FTCD: variants seen among roughly 807,000 people sequenced by gnomAD.
FTCD encodes formimidoyltransferase cyclodeaminase.
A neutral mutation model predicts 62.9 loss-of-function variants in FTCD; 76 were observed. That is an observed-to-expected ratio of 1.21 (90% confidence interval 1.00 to 1.46). FTCD has a LOEUF of 1.46. FTCD is among the 40% of genes most tolerant of loss of function. The pLI is 0.00. For synonymous variants in FTCD, 397 were observed against 336.9 expected (o/e 1.18, Z -1.95); for missense variants, 845 against 751.3 (o/e 1.12, Z -1.46).
At chr21:46,138,449 C>G (rs2078918706) in intron 12 of FTCD, 59 bp downstream of exon 12, 1 of 1,511,728 alleles carries the variant, frequency 6.6e-7, no homozygotes, top group African/African-American at 1.4e-5. Context: ...AGCAACTCAG[C>G]CCCAACAGCT....
At chr21:46,137,151 A>G in intron 13 of FTCD, 78 bp from the exon 14 acceptor site, 1 of 1,594,130 alleles carries the variant, frequency 6.3e-7, no homozygotes, top group Non-Finnish European at 8.6e-7. Context: ...TCCGACCCCC[A>G]CTGCCCACAG....
At chr21:46,150,309 G>A in intron 6 of FTCD, 59 bp from the exon 7 acceptor site, 1 of 1,609,644 alleles carries the variant, frequency 6.2e-7, no homozygotes, top group South Asian at 1.1e-5. Context: ...GCCCTGGCTG[G>A]AGGATGTGGG....
intron 4 of FTCD, 75 bp from the exon 5 acceptor site, chr21:46,151,812 G>A (rs2079285897): frequency 1.3e-6 from 2 of 1,584,252 alleles, no homozygotes; most frequent in Non-Finnish European, 1.7e-6. Context: ...GGGAAGGAGG[G>A]GCCCGGCCCA....
At chr21:46,136,717 G>A, downstream of FTCD, 1 of 1,474,602 alleles carries the variant, frequency 6.8e-7, no homozygotes, top group African/African-American at 1.4e-5. Context: ...TCCTGCTCCT[G>A]CCCCAAGACC....
At chr21:46,146,397 G>A in intron 7 of FTCD, 70 bp from the exon 8 acceptor site, 4 of 1,083,462 alleles carry the variant, frequency 3.7e-6, no homozygotes, top group African/African-American at 1.6e-5. Context: ...CGGAACCCGC[G>A]GGTCCCACCC....
intron 9 of FTCD, 35 bp downstream of exon 9, chr21:46,145,783 A>AGCGCCCTCCCCCCACCC: frequency 2.9e-6 from 1 of 346,460 alleles, no homozygotes; most frequent in Non-Finnish European, 4.6e-6. Flanking sequence ...TCCCCCCAAC[A>AGCGCCCTCCCCCCACCC]ACTGCGCCTC....
At chr21:46,140,360 C>A (rs2078970142) in intron 10 of FTCD, among the ~76,000 whole-genome samples, 1 of 18,346 alleles carries the variant, frequency 5.5e-5, no homozygotes, top group Non-Finnish European at 1.1e-4. Flanking sequence ...ACCCAGCACT[C>A]CCCCGTCCAC....
At chr21:46,146,548 A>G (rs2079152368) in intron 7 of FTCD, 5 of 593,208 alleles carry the variant, frequency 8.4e-6, no homozygotes, top group Non-Finnish European at 1.5e-5. Flanking sequence ...AGGCTTCTGG[A>G]AACAGCCATC....
In FTCD at chr21:46,150,427, T is replaced by G; in HGVS notation, c.735A>C (p.Ala245=). 1 of 1,613,140 alleles carries G rather than the reference T, an allele frequency of 6.2e-7. No homozygotes were observed. The highest frequency in any genetic ancestry group is 1.1e-5 in the South Asian group (1 of 91,086). ...STNLLDFEVT[A]LHTVYEETCR... ...AGGTCTCCTCGTAGACCGTGTGCAGTGCCGTGACCTCAAAGTCCAGAAGAT... is the reference window on the plus strand; with the variant it reads ...AGGTCTCCTCGTAGACCGTGTGCAGGGCCGTGACCTCAAAGTCCAGAAGAT... The change falls in exon 6 of 14, where the codon GCA becomes GCC. Residue 245 remains alanine, a synonymous_variant. Transcript: ENST00000397746.
chr21:46,141,716 T>TAAA (rs111415592), intron 10 of FTCD, among the ~76,000 whole-genome samples: 1,505 of 145,248 alleles, frequency 0.01, 31 homozygotes, highest in African/African-American at 0.036. Context: ...CCTCCCCTAT[T>TAAA]AAAAAAAAAA....
At chr21:46,136,402 G>A (rs1601283527), downstream of FTCD, 7 of 1,599,200 alleles carry the variant, frequency 4.4e-6, no homozygotes, top group East Asian at 2.2e-5. Context: ...GGCCAGTACC[G>A]TGCTCTGTGG....
intron 3 of FTCD, chr21:46,152,624 A>G (rs1218638227): frequency 2.8e-6 from 1 of 352,956 alleles, no homozygotes; most frequent in Non-Finnish European, 5.1e-6. Context: ...TAATTTCCCA[A>G]AGTGAAATTA....
intron 10 of FTCD, 77 bp from the exon 11 acceptor site, chr21:46,139,000 C>G (rs951056382): frequency 8.1e-6 from 9 of 1,117,918 alleles, no homozygotes; most frequent in African/African-American, 3.1e-5. Flanking sequence ...CCACAAGGGG[C>G]TGTAGCAAGG....
chr21:46,145,445 G>A lies in FTCD; in HGVS notation c.1232C>T (p.Ala411Val), dbSNP rs868155029. The A allele has an allele frequency of 1.9e-6, 3 of 1,557,778 alleles. No homozygotes were observed. Among genetic ancestry groups the A allele is most frequent in the Admixed American group, 1.9e-5 (1 of 53,126 alleles). Residue 411 changes from alanine (A) to valine (V), a missense_variant, in exon 10 of 14, where the codon GCC becomes GTC. Ala to Val is a moderately conservative substitution (Grantham distance 64). Transcript: ENST00000397746. Reference sequence around the variant, plus strand: ...GTAGGCGGTGAAGGCCTCGGCGTCGGCATCCACCAGCGTGGTTAGCTTGGC... The same window carrying A: ...GTAGGCGGTGAAGGCCTCGGCGTCGACATCCACCAGCGTGGTTAGCTTGGC... Reference protein sequence around the residue: ...ASAKLTTLVDADAEAFTAYLE... With the variant: ...ASAKLTTLVDVDAEAFTAYLE...
intron 10 of FTCD, among the ~76,000 whole-genome samples, chr21:46,144,935 C>T (rs1237872307): frequency 6.6e-6 from 1 of 151,472 alleles, no homozygotes; most frequent in Admixed American, 6.6e-5. Flanking sequence ...GGGGTCACTG[C>T]CTGCCTGAGT....
chr21:46,143,352 C>T (rs1320622868), intron 10 of FTCD, among the ~76,000 whole-genome samples: 1 of 151,602 alleles, frequency 6.6e-6, no homozygotes, highest in Non-Finnish European at 1.5e-5. Context: ...ACTCCCCTCC[C>T]TCTCTCCCTA....
At position 46,144,361 on chromosome 21, in the gene FTCD, ACCTCTCTCC is replaced by A. The variant is rs2079078476; in HGVS notation, c.1260+1047_1260+1055del. On this transcript the variant is annotated intron_variant, in intron 10 of 13. Coordinates refer to ENST00000397746, the MANE Select transcript of FTCD (RefSeq NM_206965.2). ...CAGACCCTGTAGGGCTGGCCCCTACACCTCTCTCCCCTCTCTCCCTCTCTCTCCCTCCCT... is the reference window on the plus strand; with the variant it reads ...CAGACCCTGTAGGGCTGGCCCCTACACCTCTCTCCCTCTCTCTCCCTCCCT... Among the ~76,000 whole-genome samples the A allele has an allele frequency of 4.5e-5, 4 of 89,696 alleles. No homozygotes were observed. In the South Asian group the frequency reaches 1.2e-3, roughly 28 times the overall value. 58.8% of individuals were successfully genotyped at this position (89,696 alleles called of 152,430 possible). A position where few individuals can be genotyped will look rare whatever the true frequency, so the allele number is the denominator to read the frequency against.
intron 10 of FTCD, among the ~76,000 whole-genome samples, chr21:46,143,501 T>G (rs549055246): frequency 6.6e-6 from 1 of 152,348 alleles, no homozygotes; most frequent in African/African-American, 2.4e-5. Context: ...TAGATATGAT[T>G]ATATATAATT....
chr21:46,152,822 C>T (rs2079324707), intron 3 of FTCD, 85 bp downstream of exon 3: 3 of 1,171,218 alleles, frequency 2.6e-6, no homozygotes, highest in Admixed American at 2.6e-5. Flanking sequence ...CAGTCAAGGG[C>T]AGGGAACTGG....
Sources: allele counts gnomAD v4.1 joint callset (sites outside exome capture counted in the v4.1 genomes callset), GRCh38; gene constraint gnomAD v4.1.1; transcripts MANE v1.5; gene names NCBI Gene and HGNC (gene_info 2026-07-23, HGNC 2026-07-21).